ALK: variants seen among roughly 807,000 people sequenced by gnomAD.
ALK encodes ALK tyrosine kinase receptor.
Under a neutral mutation model 163.1 loss-of-function variants are expected in ALK, and 74 were observed. That is an observed-to-expected ratio of 0.45 (90% confidence interval 0.38 to 0.55). The LOEUF (loss-of-function observed/expected upper bound fraction) is 0.55. Ranked by LOEUF, ALK falls within the 20% of genes least tolerant of loss-of-function variation. The pLI is 0.00. For synonymous variants in ALK, 960 were observed against 843.2 expected (o/e 1.14, Z -2.40); for missense variants, 2,063 against 2,105.3 (o/e 0.98, Z 0.39).
At chr2:29,365,672 C>G (rs892417433) in intron 5 of ALK, among the ~76,000 whole-genome samples, 3 of 152,204 alleles carry the variant, frequency 2.0e-5, no homozygotes, top group Non-Finnish European at 4.4e-5. Flanking sequence ...CTGAATCTGA[C>G]TCAGGACTAC....
chr2:29,465,338 C>A (rs1008173808), intron 4 of ALK, among the ~76,000 whole-genome samples: 4 of 152,120 alleles, frequency 2.6e-5, no homozygotes, highest in African/African-American at 9.7e-5. Flanking sequence ...CATAAACATC[C>A]TTTCAAAATG....
intron 9 of ALK, among the ~76,000 whole-genome samples, chr2:29,292,296 G>A (rs1163192410): frequency 2.0e-5 from 3 of 152,160 alleles, no homozygotes; most frequent in Admixed American, 6.5e-5. Flanking sequence ...ATCTCATAAC[G>A]AGTTGAACTT....
chr2:29,411,798 T>C lies in ALK; in HGVS notation c.1155-27939A>G, dbSNP rs189261869. On this transcript the variant is annotated intron_variant, in intron 4 of 28. Transcript: ENST00000389048. ...TAGGAGCTCCTCAATGTCATTCTCA[T>C]CCACACCCACGTTAAACTTATTTGC... Among the ~76,000 whole-genome samples, 41 of 152,320 alleles carry C rather than the reference T, an allele frequency of 2.7e-4. No homozygotes were observed. The East Asian group carries it at 5.8e-3, about 21-fold the overall frequency.
chr2:29,724,172 T>C (rs1679500452), intron 1 of ALK, among the ~76,000 whole-genome samples: 1 of 152,232 alleles, frequency 6.6e-6, no homozygotes, highest in African/African-American at 2.4e-5. Flanking sequence ...CCTACATCAA[T>C]AAAATGTAAC....
chr2:29,709,656 T>C (rs756870090), intron 2 of ALK, among the ~76,000 whole-genome samples: 2 of 152,076 alleles, frequency 1.3e-5, no homozygotes, highest in African/African-American at 2.4e-5. Flanking sequence ...TCCATGAGAA[T>C]ATGGGGATAA....
At chr2:29,785,108 C>T (rs909726226) in intron 1 of ALK, among the ~76,000 whole-genome samples, 1 of 152,112 alleles carries the variant, frequency 6.6e-6, no homozygotes, top group African/African-American at 2.4e-5. Flanking sequence ...ATCCGGAGAG[C>T]TGGGCCTACA....
chr2:29,810,337 G>C (rs149050813), intron 1 of ALK, among the ~76,000 whole-genome samples: 6 of 150,214 alleles, frequency 4.0e-5, no homozygotes, highest in African/African-American at 1.5e-4. Context: ...CAGGAGAATC[G>C]CTTGAACCCG....
intron 4 of ALK, among the ~76,000 whole-genome samples, chr2:29,508,411 C>T (rs573318464): frequency 4.5e-4 from 69 of 151,892 alleles, no homozygotes; most frequent in Non-Finnish European, 8.7e-4. Flanking sequence ...ATGGATGAAG[C>T]TGGAAACCAT....
intron 3 of ALK, among the ~76,000 whole-genome samples, chr2:29,632,192 G>A (rs1330634166): frequency 6.6e-6 from 1 of 152,156 alleles, no homozygotes; most frequent in Non-Finnish European, 1.5e-5. Context: ...CACAAAGTAT[G>A]AGTCAATAAA....
chr2:29,547,322 C>T (rs762546321), intron 3 of ALK, among the ~76,000 whole-genome samples: 22 of 152,152 alleles, frequency 1.4e-4, no homozygotes, highest in Non-Finnish European at 2.6e-4. Context: ...CGGGGCCAGG[C>T]GAGGTGGCTC....
chr2:29,738,361 TG>T (rs1679953544), intron 1 of ALK, among the ~76,000 whole-genome samples: 1 of 152,112 alleles, frequency 6.6e-6, no homozygotes, highest in African/African-American at 2.4e-5. Flanking sequence ...ATGCTCATGT[TG>T]TATGTATCAT....
chr2:29,335,406 G>T (rs187631221), intron 5 of ALK, among the ~76,000 whole-genome samples: 7 of 152,278 alleles, frequency 4.6e-5, no homozygotes, highest in African/African-American at 1.7e-4. Context: ...AAACTGGAAG[G>T]ACCGTTAGTA....
intron 11 of ALK, among the ~76,000 whole-genome samples, chr2:29,269,376 G>A (rs965325703): frequency 1.3e-5 from 2 of 152,266 alleles, no homozygotes; most frequent in Admixed American, 6.5e-5. Context: ...CCACCTCTTG[G>A]GGATGCTGAC....
intron 9 of ALK, among the ~76,000 whole-genome samples, chr2:29,280,600 T>C (rs186247940): frequency 8.8e-5 from 13 of 147,222 alleles, no homozygotes; most frequent in African/African-American, 3.4e-4. Context: ...AAAGTTCTAG[T>C]ATGTACCAGG....
At position 29,831,163 on chromosome 2, in the gene ALK, AGAAGAG is replaced by A. The variant is rs1410409351; in HGVS notation, c.667+88824_667+88829del. Among the ~76,000 whole-genome samples the A allele has an allele frequency of 2.9e-3, 120 of 40,904 alleles. 13 individuals carry two copies. Among genetic ancestry groups the A allele is most frequent in the African/African-American group, 0.011 (106 of 10,074 alleles). The allele number at this position is 40,904 out of a possible 152,430, so 26.8% of individuals were successfully genotyped here. On this transcript the variant is annotated intron_variant, in intron 1 of 28. Transcript: ENST00000389048. ...AAGAAGGGGAAGAAGGGGAAGAAGG[AGAAGAG>A]GAAGAGGAAGGGGAAGGGGAAGGGG...
At chr2:29,855,555 G>T (rs2148403519) in intron 1 of ALK, among the ~76,000 whole-genome samples, 1 of 152,222 alleles carries the variant, frequency 6.6e-6, no homozygotes, top group Admixed American at 6.5e-5. Context: ...AACATTCAAG[G>T]ATTATACCCT....
intron 1 of ALK, among the ~76,000 whole-genome samples, chr2:29,918,128 G>A (rs1667884386): frequency 6.6e-6 from 1 of 152,206 alleles, no homozygotes; most frequent in Non-Finnish European, 1.5e-5. Flanking sequence ...ACTCTTCAGA[G>A]ACACCCACTG....
At chr2:29,680,323 A>T (rs1678025446) in intron 3 of ALK, among the ~76,000 whole-genome samples, 2 of 151,934 alleles carry the variant, frequency 1.3e-5, no homozygotes, top group African/African-American at 4.8e-5. Context: ...ATATTATAAC[A>T]CTTCATGTTG....
intron 5 of ALK, among the ~76,000 whole-genome samples, chr2:29,376,058 G>C (rs1668745598): frequency 6.6e-6 from 1 of 151,592 alleles, no homozygotes; most frequent in Non-Finnish European, 1.5e-5. Flanking sequence ...GTCTCCCTCT[G>C]GCCGGAAAGA....
Sources: gnomAD v4.1 joint callset for allele counts (sites outside exome capture counted in the v4.1 genomes callset) on GRCh38, gnomAD v4.1.1 for gene constraint, MANE v1.5 for transcripts, NCBI Gene and HGNC (gene_info 2026-07-23, HGNC 2026-07-21) for gene names.